DOCK9: variants seen among roughly 807,000 people sequenced by gnomAD.
The protein encoded by DOCK9 is dedicator of cytokinesis 9.
Under a neutral mutation model 263.3 loss-of-function variants are expected in DOCK9, and 89 were observed. That is an observed-to-expected ratio of 0.34 (90% CI 0.28 to 0.40). The LOEUF is 0.40. Ranked by LOEUF, DOCK9 falls within the 10% of genes least tolerant of loss-of-function variation. The pLI, the probability that DOCK9 is intolerant of heterozygous loss-of-function variation, is 1.00. For missense variants in DOCK9, 2,140 were observed against 2,603.4 expected (o/e 0.82, Z 3.87); for synonymous variants, 976 against 973.1 (o/e 1.00, Z -0.06).
chr13:98,897,474 A>C lies in DOCK9; in HGVS notation c.1709+14T>G. 6.2e-7 allele frequency: 1 copy of C among 1,613,166 alleles called. No homozygotes were observed. Among genetic ancestry groups the C allele is most frequent in the Non-Finnish European group, 8.5e-7 (1 of 1,179,572 alleles). On this transcript the variant is annotated intron_variant, in intron 15 of 52. Coordinates refer to ENST00000682017, the MANE Select transcript of DOCK9 (RefSeq NM_001366683.2). The stretch of plus-strand genomic sequence containing the variant: ...TCTATTTTTCAGGTGTGGAAATAAG[A>C]CCTTGAAACTCACTTCCGAAAGTCT...
chr13:98,975,468 C>CAAAT (rs2060168412), intron 1 of DOCK9, among the ~76,000 whole-genome samples: 1 of 122,434 alleles, frequency 8.2e-6, no homozygotes, highest in African/African-American at 3.1e-5. Context: ...ATTCTCTAAA[C>CAAAT]ACATACACAC....
intron 1 of DOCK9, among the ~76,000 whole-genome samples, chr13:98,986,004 A>T (rs1567173155): frequency 1.3e-5 from 2 of 152,282 alleles, no homozygotes; most frequent in African/African-American, 2.4e-5. Flanking sequence ...GTTAAGGGCC[A>T]GAGAATGTAT....
At chr13:98,813,370 T>C (rs1021336052) in intron 45 of DOCK9, among the ~76,000 whole-genome samples, 14 of 152,198 alleles carry the variant, frequency 9.2e-5, no homozygotes, top group Non-Finnish European at 1.6e-4. Context: ...ACAGTCTTTT[T>C]GTTTTCAGGT....
At chr13:98,818,729 A>C (rs189278439) in intron 45 of DOCK9, among the ~76,000 whole-genome samples, 3 of 152,224 alleles carry the variant, frequency 2.0e-5, no homozygotes, top group Admixed American at 2.0e-4. Flanking sequence ...ATAAGCCATC[A>C]AGGAAGCTTT....
rs116356125 is a variant in DOCK9 at position 98,997,419 on chromosome 13, C to T, written c.130-41868G>A. On this transcript the variant is annotated intron_variant, in intron 1 of 32. Transcript: ENST00000427887. ...TGACCAGCTCAGTCCTGCTGAGCCC[C>T]GCACCTCAGAGTTGCTTTGCCTAAA... 6.6e-3 allele frequency among the ~76,000 whole-genome samples: 1,008 copies of T among 152,316 alleles called. 13 individuals are homozygous for T. The highest frequency in any genetic ancestry group is 0.023 in the African/African-American group (944 of 41,566).
chr13:99,072,720 G>A (rs889837783), intron 1 of DOCK9, among the ~76,000 whole-genome samples: 2 of 152,072 alleles, frequency 1.3e-5, no homozygotes, highest in African/African-American at 4.8e-5. Flanking sequence ...AATTCCAGGG[G>A]CCAGGCATGG....
upstream of DOCK9, among the ~76,000 whole-genome samples, chr13:98,982,292 T>G (rs1877393583): frequency 6.6e-6 from 1 of 152,208 alleles, no homozygotes; most frequent in Non-Finnish European, 1.5e-5. Context: ...AAACTCCATC[T>G]TCCTCTTCCA....
chr13:99,067,186 T>A (rs1033997142), intron 1 of DOCK9, among the ~76,000 whole-genome samples: 1 of 152,196 alleles, frequency 6.6e-6, no homozygotes, highest in Non-Finnish European at 1.5e-5. Context: ...CCAGATTCCA[T>A]GCTCCTTGAG....
In DOCK9 at chr13:98,915,257, T is replaced by C. The variant is rs566796579; in HGVS notation, c.892+72A>G. 1.0e-5 allele frequency: 15 copies of C among 1,500,724 alleles called. No individual in the cohort carries two copies. In the South Asian group the frequency reaches 1.8e-4, roughly 18 times the overall value. The allele number at this position is 1,500,724 out of a possible 1,614,324, so 93.0% of individuals were successfully genotyped here. On this transcript the variant is annotated intron_variant, in intron 8 of 52. Transcript: ENST00000682017. ...TACTTGTGTAACACAGGTCTCCTTC[T>C]TATACCCACCTGGCAAAAATAAAGA...
At chr13:98,909,671 C>T (rs1239527609) in intron 9 of DOCK9, among the ~76,000 whole-genome samples, 3 of 152,188 alleles carry the variant, frequency 2.0e-5, no homozygotes, top group Non-Finnish European at 4.4e-5. Flanking sequence ...CACCAGCTGA[C>T]CCCACAGACA....
chr13:98,900,383 C>A (rs188067371), intron 13 of DOCK9, among the ~76,000 whole-genome samples: 81 of 152,178 alleles, frequency 5.3e-4, no homozygotes, highest in African/African-American at 1.9e-3. Context: ...TTATATTGGG[C>A]CTTCATTGAT....
Position 99,086,457 on chromosome 13 carries a change from C to T in DOCK9, c.-106G>A, listed in dbSNP as rs989298975. The T allele has an allele frequency of 2.2e-4, 161 of 748,640 alleles. 1 individual carries two copies. The African/African-American group carries it at 2.9e-3, about 13-fold the overall frequency. 46.4% of individuals were successfully genotyped at this position (748,640 alleles called of 1,614,324 possible). A position where few individuals can be genotyped will look rare whatever the true frequency, so the allele number is the denominator to read the frequency against. On this transcript the variant is annotated 5_prime_UTR_variant, in exon 1 of 33. Transcript: ENST00000427887. Reference sequence around the variant, plus strand: ...CCCGGCCCGCTCCGCCCGCCGCTCCCGGCGCCGCCGCCGCCTGCTCCCCCC... The same window carrying T: ...CCCGGCCCGCTCCGCCCGCCGCTCCTGGCGCCGCCGCCGCCTGCTCCCCCC...
intron 49 of DOCK9, among the ~76,000 whole-genome samples, chr13:98,801,459 C>T (rs1236235302): frequency 6.6e-6 from 1 of 151,906 alleles, no homozygotes; most frequent in East Asian, 1.9e-4. Context: ...AAAATATTTA[C>T]TTTTTCTTAT....
chr13:98,974,924 T>C (rs555629390), intron 1 of DOCK9, among the ~76,000 whole-genome samples: 75 of 152,248 alleles, frequency 4.9e-4, no homozygotes, highest in African/African-American at 1.7e-3. Context: ...AGGGAACTTA[T>C]GATAGAAAGT....
intron 1 of DOCK9, among the ~76,000 whole-genome samples, chr13:99,018,292 G>A (rs1033929802): frequency 6.6e-6 from 1 of 152,178 alleles, no homozygotes; most frequent in African/African-American, 2.4e-5. Flanking sequence ...AAAGAATGAG[G>A]TCAGTCCCCT....
chr13:98,961,271 C>T (rs1187530802), intron 1 of DOCK9, among the ~76,000 whole-genome samples: 1 of 152,200 alleles, frequency 6.6e-6, no homozygotes, highest in African/African-American at 2.4e-5. Context: ...CTTAGCTAGG[C>T]AGATGCAAGG....
chr13:98,851,064 T>C (rs2093555557), intron 35 of DOCK9, among the ~76,000 whole-genome samples: 1 of 152,200 alleles, frequency 6.6e-6, no homozygotes, highest in Non-Finnish European at 1.5e-5. Flanking sequence ...AGGAATGACA[T>C]GGCATATAGA....
chr13:98,848,445 G>A (rs1218369263), intron 37 of DOCK9, 147 bp downstream of exon 37: 12 of 740,192 alleles, frequency 1.6e-5, no homozygotes, highest in Non-Finnish European at 2.7e-5. Context: ...GCCAGGCTCT[G>A]CGGTGGCAAT....
intron 2 of DOCK9, among the ~76,000 whole-genome samples, chr13:98,944,594 A>T (rs538605425): frequency 6.6e-6 from 1 of 152,134 alleles, no homozygotes; most frequent in Non-Finnish European, 1.5e-5. Flanking sequence ...CCCGCATAAC[A>T]TGTTCAATCA....
Sources: gnomAD v4.1 joint callset for allele counts (sites outside exome capture counted in the v4.1 genomes callset) on GRCh38, gnomAD v4.1.1 for gene constraint, MANE v1.5 for transcripts, NCBI Gene and HGNC (gene_info 2026-07-23, HGNC 2026-07-21) for gene names.